The following AGBL4 variants were observed in gnomAD, a reference collection of about 807,000 sequenced individuals.
AGBL4 encodes cytosolic carboxypeptidase 6.
Under a neutral mutation model 66.4 loss-of-function variants are expected in AGBL4, and 58 were observed. The ratio of observed to expected loss-of-function variants is 0.87; its 90% CI spans 0.71 to 1.09. The LOEUF (loss-of-function observed/expected upper bound fraction) is 1.09, where lower values mean the gene tolerates loss of function less well. AGBL4 is among the 50% of genes least tolerant of loss of function. AGBL4 has a pLI of 0.00. For synonymous variants in AGBL4, 234 were observed against 222.9 expected (o/e 1.05, Z -0.44); for missense variants, 579 against 631.0 (o/e 0.92, Z 0.88).
intron 4 of AGBL4, among the ~76,000 whole-genome samples, chr1:49,080,273 T>C (rs998350919): frequency 1.3e-5 from 2 of 152,156 alleles, no homozygotes; most frequent in African/African-American, 4.8e-5. Flanking sequence ...TGAACTATTT[T>C]CAAAGGTGTA....
chr1:49,093,995 G>A (rs954665191), intron 4 of AGBL4, among the ~76,000 whole-genome samples: 1 of 152,138 alleles, frequency 6.6e-6, no homozygotes, highest in African/African-American at 2.4e-5. Context: ...GAAAGAAGGG[G>A]CTTGTGTATA....
rs867580333 is a variant in AGBL4 at position 49,006,685 on chromosome 1, C to T, written c.594+38899G>A. Among the ~76,000 whole-genome samples the T allele has an allele frequency of 4.4e-3, 658 of 150,788 alleles. 5 individuals are homozygous for T. The highest frequency in any genetic ancestry group is 0.029 in the South Asian group (136 of 4,704). On this transcript the variant is annotated intron_variant, in intron 5 of 13. Coordinates refer to ENST00000371839, the MANE Select transcript of AGBL4 (RefSeq NM_032785.4). Reference sequence around the variant, plus strand: ...CAGTACGCAGCTGGAGATCTGAGAACGGGCAGACTGCCTCCTCAAGTGGGT... The same window carrying T: ...CAGTACGCAGCTGGAGATCTGAGAATGGGCAGACTGCCTCCTCAAGTGGGT...
chr1:49,027,270 C>G (rs1663779299), intron 5 of AGBL4, among the ~76,000 whole-genome samples: 1 of 151,978 alleles, frequency 6.6e-6, no homozygotes, highest in African/African-American at 2.4e-5. Flanking sequence ...AAGCGATTCT[C>G]CTGCCTAAGC....
chr1:49,874,037 C>T (rs766751866), intron 1 of AGBL4, among the ~76,000 whole-genome samples: 3 of 151,950 alleles, frequency 2.0e-5, no homozygotes, highest in South Asian at 4.1e-4. Flanking sequence ...AGACATAAAC[C>T]AGTGGATCAG....
At chr1:48,901,228 T>C (rs1397162456) in intron 5 of AGBL4, among the ~76,000 whole-genome samples, 2 of 152,064 alleles carry the variant, frequency 1.3e-5, no homozygotes, top group African/African-American at 4.8e-5. Context: ...CAAGTGTTGG[T>C]AAGGAATGAA....
intron 4 of AGBL4, among the ~76,000 whole-genome samples, chr1:49,078,482 A>C (rs891087063): frequency 6.6e-6 from 1 of 152,126 alleles, no homozygotes; most frequent in Non-Finnish European, 1.5e-5. Context: ...CTAGAAACCT[A>C]GTAGTCATCC....
chr1:49,084,447 A>G (rs1644867555), intron 4 of AGBL4, among the ~76,000 whole-genome samples: 1 of 152,188 alleles, frequency 6.6e-6, no homozygotes, highest in Non-Finnish European at 1.5e-5. Context: ...AAGGAGGAGC[A>G]AAGGTACATC....
At chr1:49,657,228 G>A (rs981449120) in intron 3 of AGBL4, among the ~76,000 whole-genome samples, 2 of 152,112 alleles carry the variant, frequency 1.3e-5, no homozygotes, top group Admixed American at 1.3e-4. Context: ...CAAACAGAGA[G>A]CCAAATCATG....
chr1:49,475,980 G>C (rs1211189323), intron 3 of AGBL4, among the ~76,000 whole-genome samples: 1 of 151,920 alleles, frequency 6.6e-6, no homozygotes, highest in Non-Finnish European at 1.5e-5. Context: ...TTTGGGTTTA[G>C]TTTGTTTTTG....
intron 3 of AGBL4, among the ~76,000 whole-genome samples, chr1:49,660,790 T>C (rs1240428287): frequency 6.6e-6 from 1 of 152,294 alleles, no homozygotes; most frequent in South Asian, 2.1e-4. Context: ...ATTGAGATCA[T>C]GTCCTTTCCA....
intron 3 of AGBL4, among the ~76,000 whole-genome samples, chr1:49,668,298 G>A (rs2124515183): frequency 6.6e-6 from 1 of 152,154 alleles, no homozygotes; most frequent in South Asian, 2.1e-4. Context: ...TTGAATTTTT[G>A]CTCCTATGAG....
At chr1:49,247,605 G>C (rs1039291373) in intron 3 of AGBL4, among the ~76,000 whole-genome samples, 6 of 151,992 alleles carry the variant, frequency 3.9e-5, no homozygotes, top group African/African-American at 1.4e-4. Context: ...TGAGATTCCA[G>C]TTGTCAGATC....
At chr1:49,927,543 A>G (rs1298628724) in intron 1 of AGBL4, among the ~76,000 whole-genome samples, 1 of 152,306 alleles carries the variant, frequency 6.6e-6, no homozygotes, top group East Asian at 1.9e-4. Context: ...AACCACCCGA[A>G]TGATCCAATT....
chr1:48,985,524 T>C (rs745506340), intron 5 of AGBL4, among the ~76,000 whole-genome samples: 3 of 152,028 alleles, frequency 2.0e-5, no homozygotes, highest in Middle Eastern at 3.2e-3. Flanking sequence ...TCATAATTCA[T>C]AGGGCACTGG....
chr1:49,302,107 C>A (rs1384831867), intron 3 of AGBL4, among the ~76,000 whole-genome samples: 1 of 151,896 alleles, frequency 6.6e-6, no homozygotes, highest in East Asian at 1.9e-4. Context: ...TCCCCCAACC[C>A]TTTTTTGGAT....
chr1:49,382,530 A>G (rs1423484312), intron 3 of AGBL4, among the ~76,000 whole-genome samples: 1 of 152,146 alleles, frequency 6.6e-6, no homozygotes. Context: ...TAAAGGTCAT[A>G]TATGAAAAAC....
chr1:49,407,594 A>G (rs1645231466), intron 3 of AGBL4, among the ~76,000 whole-genome samples: 1 of 152,230 alleles, frequency 6.6e-6, no homozygotes, highest in African/African-American at 2.4e-5. Context: ...AGACAATATT[A>G]CTTCTGAGAT....
chr1:49,062,214 A>G (rs1194562010), intron 4 of AGBL4, among the ~76,000 whole-genome samples: 1 of 152,158 alleles, frequency 6.6e-6, no homozygotes, highest in African/African-American at 2.4e-5. Context: ...GCTGGTGCCA[A>G]AAAGGCTGGG....
At chr1:49,865,989 C>T in intron 1 of AGBL4, 1 of 333,674 alleles carries the variant, frequency 3.0e-6, no homozygotes, top group Non-Finnish European at 6.1e-6. Context: ...CCTAACAGAC[C>T]AAGCTGAGGA....
Sources: gnomAD v4.1 joint callset for allele counts (sites outside exome capture counted in the v4.1 genomes callset) on GRCh38, gnomAD v4.1.1 for gene constraint, MANE v1.5 for transcripts, NCBI Gene and HGNC (gene_info 2026-07-23, HGNC 2026-07-21) for gene names.